The following SMARCA2 variants were observed in gnomAD, a reference collection of about 807,000 sequenced individuals.
The protein encoded by SMARCA2 is SWI/SNF-related matrix-associated actin-dependent regulator of chromatin subfamily A member 2.
In SMARCA2, 61 loss-of-function variants were observed where a neutral mutation model predicts 199.8. The ratio of observed to expected loss-of-function variants is 0.31; its 90% CI spans 0.25 to 0.38. SMARCA2 has a LOEUF of 0.38. SMARCA2 is among the 10% of genes least tolerant of loss of function. SMARCA2 has a pLI of 1.00. For synonymous variants in SMARCA2, 935 were observed against 732.0 expected (o/e 1.28, Z -4.48); for missense variants, 1,344 against 2,012.2 (o/e 0.67, Z 6.35).
chr9:2,185,753 CCA>C (rs1363807056), intron 31 of SMARCA2, among the ~76,000 whole-genome samples: 1 of 152,164 alleles, frequency 6.6e-6, no homozygotes, highest in Non-Finnish European at 1.5e-5. Flanking sequence ...GATTGCTTTA[CCA>C]CAGTCTTACT....
chr9:2,060,964 A>G lies in SMARCA2; in HGVS notation c.1670A>G (p.Lys557Arg), dbSNP rs1288457542. The change falls in exon 9 of 34, where the codon AAG becomes AGG. Residue 557 changes from lysine (K) to arginine (R), a missense_variant. Around this residue, in one of 18 missense-constraint regions of SMARCA2, gnomAD observed 68 missense variants for 70.4 expected, o/e 0.97. Coordinates refer to ENST00000349721, the MANE Select transcript of SMARCA2 (RefSeq NM_003070.5). The part of the protein sequence containing the change: ...HKQAQAAKEK[K>R]KRRRRKKKAE... ...CAAGCCCAGGCAGCCAAAGAGAAGA[A>G]GAAGAGGAGGAGGAGGAAGAAGGTG... 2.5e-6 allele frequency: 4 copies of G among 1,613,884 alleles called. No homozygotes were observed. Among genetic ancestry groups the G allele is most frequent in the Admixed American group, 1.7e-5 (1 of 59,994 alleles).
intron 27 of SMARCA2, among the ~76,000 whole-genome samples, chr9:2,137,230 T>C (rs2130672091): frequency 6.6e-6 from 1 of 152,308 alleles, no homozygotes; most frequent in Middle Eastern, 3.4e-3. Flanking sequence ...GGAGGATACC[T>C]TTCCTCCTTG....
At chr9:2,163,839 G>A (rs569293467) in intron 28 of SMARCA2, among the ~76,000 whole-genome samples, 1 of 152,124 alleles carries the variant, frequency 6.6e-6, no homozygotes, top group Non-Finnish European at 1.5e-5. Flanking sequence ...TGACATAAAA[G>A]AAGTCACCAA....
chr9:2,160,013 T>C, intron 27 of SMARCA2: 1 of 1,486,428 alleles, frequency 6.7e-7, no homozygotes, highest in African/African-American at 1.4e-5. Flanking sequence ...CGTATTTCTG[T>C]GTGCAACTGG....
Position 2,110,485 on chromosome 9 carries a change from T to C in SMARCA2, c.3456+68T>C, listed in dbSNP as rs1318147623. ...GCAACTAAAAGATGATCAGTTTCAT[T>C]ATTCACATTTACAGGACAGAGCAAA... On this transcript the variant is annotated intron_variant, in intron 24 of 33. Transcript: ENST00000349721. The surrounding 1 kb of genome is among the most constrained non-coding windows in gnomAD (Gnocchi z 4.8). 7.7e-7 allele frequency: 1 copy of C among 1,298,672 alleles called. No homozygotes were observed. The highest frequency in any genetic ancestry group is 1.5e-5 in the African/African-American group (1 of 67,070). The allele number at this position is 1,298,672 out of a possible 1,614,324, so 80.4% of individuals were successfully genotyped here.
intron 4 of SMARCA2, chr9:2,040,321 G>C (rs1819551733): frequency 7.6e-6 from 2 of 264,494 alleles, no homozygotes; most frequent in Admixed American, 4.9e-5. Context: ...ATCCCTTTTT[G>C]TTATGAAGAA....
chr9:2,158,917 A>C (rs1016012096), intron 27 of SMARCA2: 1 of 1,609,730 alleles, frequency 6.2e-7, no homozygotes, highest in African/African-American at 1.3e-5. Context: ...TTTGGGGAGG[A>C]GGGAAGATGT....
At chr9:2,160,627 C>G (rs1315277808) in intron 27 of SMARCA2, 5 of 701,800 alleles carry the variant, frequency 7.1e-6, no homozygotes, top group Admixed American at 4.0e-5. Flanking sequence ...AAGGTAATTG[C>G]CTTATGATTA....
chr9:2,187,478 C>G (rs1336007879), intron 32 of SMARCA2, among the ~76,000 whole-genome samples: 1 of 152,000 alleles, frequency 6.6e-6, no homozygotes, highest in Non-Finnish European at 1.5e-5. Flanking sequence ...TCAAGACCAG[C>G]CTGGATAACA....
chr9:2,085,290 A>T lies in SMARCA2; in HGVS notation c.2526+1094A>T, dbSNP rs1821752096. 2.0e-5 allele frequency among the ~76,000 whole-genome samples: 3 copies of T among 152,168 alleles called. No individual in the cohort carries two copies. The South Asian group carries it at 6.2e-4, about 32-fold the overall frequency. Reference sequence around the variant, plus strand: ...GTACATTTGAGATCCTTTTAAAAAAATTCATCTTGTGTCTTCTGCATATGT... The same window carrying T: ...GTACATTTGAGATCCTTTTAAAAAATTTCATCTTGTGTCTTCTGCATATGT... On this transcript the variant is annotated intron_variant, in intron 17 of 33. Coordinates refer to ENST00000349721, the MANE Select transcript of SMARCA2 (RefSeq NM_003070.5).
intron 32 of SMARCA2, among the ~76,000 whole-genome samples, chr9:2,189,748 G>A (rs921237825): frequency 1.3e-5 from 2 of 151,958 alleles, no homozygotes; most frequent in African/African-American, 4.8e-5. Context: ...ACTATTTTGT[G>A]TATTAGGATT....
At chr9:2,061,069 T>A in intron 9 of SMARCA2, 83 bp downstream of exon 9, 1 of 1,278,584 alleles carries the variant, frequency 7.8e-7, no homozygotes, top group East Asian at 2.5e-5. Flanking sequence ...CTTTAAGTAC[T>A]ACTTCTTACA....
intron 19 of SMARCA2, 105 bp downstream of exon 19, chr9:2,088,718 T>C (rs1417296469): frequency 5.2e-6 from 4 of 769,158 alleles, no homozygotes; most frequent in Non-Finnish European, 8.8e-6. Context: ...ACTCATATTG[T>C]AGTTAATAGT....
In SMARCA2 at chr9:2,122,565, A is replaced by G. The variant is rs148559347; in HGVS notation, c.3763-1154A>G. Among the ~76,000 whole-genome samples the G allele has an allele frequency of 3.7e-3, 564 of 152,354 alleles. 3 individuals carry two copies. The highest frequency in any genetic ancestry group is 5.5e-3 in the Non-Finnish European group (373 of 68,038). On this transcript the variant is annotated intron_variant, in intron 26 of 33. Transcript: ENST00000349721. ...GGGACTTCACCTGTCTCCCAAGCCTACCAGATTCTGGAAATGTAATGACTT... is the reference window on the plus strand; with the variant it reads ...GGGACTTCACCTGTCTCCCAAGCCTGCCAGATTCTGGAAATGTAATGACTT...
chr9:2,116,538 T>C (rs565910354), intron 25 of SMARCA2, among the ~76,000 whole-genome samples: 23 of 152,344 alleles, frequency 1.5e-4, no homozygotes, highest in Admixed American at 1.2e-3. Context: ...CTATACTTGC[T>C]CTTGGCAAGC....
chr9:2,154,445 T>G (rs1043170801), intron 27 of SMARCA2, among the ~76,000 whole-genome samples: 1 of 152,352 alleles, frequency 6.6e-6, no homozygotes, highest in Admixed American at 6.5e-5. Flanking sequence ...TCCTCTCTCA[T>G]GATTGGGCTG....
chr9:2,063,794 T>A (rs967764178), intron 9 of SMARCA2, among the ~76,000 whole-genome samples: 3 of 151,900 alleles, frequency 2.0e-5, no homozygotes, highest in African/African-American at 7.3e-5. Flanking sequence ...TCTTTGGGAG[T>A]TTATTGTGTT....
At chr9:2,027,897 G>T (rs1188399381) in intron 1 of SMARCA2, 1 of 152,242 alleles carries the variant, frequency 6.6e-6, no homozygotes, top group Non-Finnish European at 1.5e-5. Context: ...ACTGTTGCTA[G>T]TGGAATTCAG....
chr9:2,119,338 C>A lies in SMARCA2; in HGVS notation c.3685-120C>A, dbSNP rs560661665. The A allele has an allele frequency of 3.5e-5, 23 of 665,402 alleles. No homozygotes were observed. The highest frequency in any genetic ancestry group is 5.6e-5 in the Non-Finnish European group (21 of 372,468). 41.2% of individuals were successfully genotyped at this position (665,402 alleles called of 1,614,324 possible). A position where few individuals can be genotyped will look rare whatever the true frequency, so the allele number is the denominator to read the frequency against. ...CGTCAAGGACTAAATCCAGCAACCC[C>A]TTCCCTTTTCTTTCTGCCTTGAGAA... On this transcript the variant is annotated intron_variant, in intron 25 of 33. Coordinates refer to ENST00000349721, the MANE Select transcript of SMARCA2 (RefSeq NM_003070.5). This position sits in a 1 kb window ranked among gnomAD's most constrained non-coding sequence, Gnocchi z 4.6.
Sources: gnomAD v4.1 joint callset for allele counts (sites outside exome capture counted in the v4.1 genomes callset) on GRCh38, gnomAD v4.1.1 for gene constraint, gnomAD v4.1.1 regional missense constraint, Gnocchi (gnomAD v3.1) non-coding constraint, MANE v1.5 for transcripts, NCBI Gene and HGNC (gene_info 2026-07-23, HGNC 2026-07-21) for gene names.